DCST1: variants seen among roughly 807,000 people sequenced by gnomAD.
The protein encoded by DCST1 is DC-STAMP domain containing 1.
A neutral mutation model predicts 89.1 loss-of-function variants in DCST1; 78 were observed. The ratio of observed to expected loss-of-function variants is 0.88; its 90% confidence interval spans 0.73 to 1.06. DCST1 has a LOEUF of 1.06. Ranked by LOEUF, DCST1 falls within the 50% of genes least tolerant of loss-of-function variation. DCST1 has a pLI of 0.00. For synonymous variants in DCST1, 364 were observed against 371.9 expected (o/e 0.98, Z 0.24); for missense variants, 900 against 928.6 (o/e 0.97, Z 0.40).
intron 5 of DCST1, among the ~76,000 whole-genome samples, chr1:155,039,735 A>G: frequency 6.6e-6 from 1 of 150,798 alleles, no homozygotes. Flanking sequence ...ACGGTGGTTC[A>G]TGCCTGTAAT....
At chr1:155,046,561 C>A in intron 13 of DCST1, 75 bp downstream of exon 13, 6 of 1,500,016 alleles carry the variant, frequency 4.0e-6, no homozygotes, top group Non-Finnish European at 5.5e-6. Flanking sequence ...CACAGCCACC[C>A]CACCCTAGTT....
chr1:155,040,498 T>C lies in DCST1; in HGVS notation c.405T>C (p.Asn135=). 1 of 1,600,140 alleles carries C rather than the reference T, an allele frequency of 6.2e-7. No homozygotes were observed. Residue 135 remains asparagine (N), a synonymous_variant, in exon 6 of 17, where the codon AAT becomes AAC. Coordinates refer to ENST00000295542, the MANE Select transcript of DCST1 (RefSeq NM_152494.4). ...CTCTTTCTCCAGGGCCAGTAGCCAA[T>C]CTGCGACACAATCTCAACAACGTGA... ...LAAIYVGPVA[N]LRHNLNNVIA...
Position 155,047,234 on chromosome 1 carries a change from A to C in DCST1, c.1534A>C (p.Met512Leu), listed in dbSNP as rs11264300. 0.39 allele frequency: 631,092 copies of C among 1,613,694 alleles called. 134,365 individuals carry two copies. The highest frequency in any genetic ancestry group is 0.9 in the East Asian group (40,489 of 44,866). ...KLEVKVGGDS[M>L]LARLLRKTIG... ...GGAGGTGAAGGTCGGGGGAGACTCC[A>C]TGCTAGCCCGGCTTCTTCGAAAAAC... is the stretch of plus-strand genomic sequence containing the variant. Residue 512 changes from methionine to leucine, a missense_variant, in exon 14 of 17, where the codon ATG becomes CTG. By Grantham distance (15) the Met-to-Leu change is conservative (BLOSUM62 2). Transcript: ENST00000295542.
intron 13 of DCST1, 47 bp downstream of exon 13, chr1:155,046,533 G>A (rs1660636496): frequency 6.3e-7 from 1 of 1,595,268 alleles, no homozygotes; most frequent in South Asian, 1.1e-5. Flanking sequence ...GACACCCTCT[G>A]GAGAACTCCA....
In DCST1 at chr1:155,041,443, C is replaced by T. The variant is rs151089797; in HGVS notation, c.578C>T (p.Thr193Ile). The change falls in exon 7 of 17, where the codon ACT (threonine) becomes ATT (isoleucine). Residue 193 changes from threonine to isoleucine, a missense_variant. Transcript: ENST00000295542. ...LRAETRNISA[T>I]FEDLDAQVNS... is the part of the protein sequence containing the mutation. ...GCAGAGACTCGGAACATCTCCGCCA[C>T]TTTTGAGGACCTGGATGCCCAGGTG... The T allele has an allele frequency of 2.5e-6, 4 of 1,614,054 alleles. No homozygotes were observed. Among genetic ancestry groups the T allele is most frequent in the Non-Finnish European group, 2.5e-6 (3 of 1,180,022 alleles).
intron 10 of DCST1, chr1:155,045,558 G>A: frequency 5.8e-6 from 2 of 345,374 alleles, no homozygotes; most frequent in South Asian, 2.8e-5. Flanking sequence ...TATTCATCCT[G>A]TAAGATGCAT....
In DCST1 at chr1:155,050,779, C is replaced by A. The variant is rs764111973; in HGVS notation, c.2032C>A (p.Arg678=). The part of the protein sequence containing the change: ...VYCWSCWDDM[R]QRCPVCTPRE... Reference sequence around the variant, plus strand: ...CTGCTGGTCGTGCTGGGACGACATGCGGCAGCGGTGCCCGGTCTGCACGCC... The same window carrying A: ...CTGCTGGTCGTGCTGGGACGACATGAGGCAGCGGTGCCCGGTCTGCACGCC... Residue 678 remains arginine, a synonymous_variant, in exon 17 of 17, where the codon CGG becomes AGG. Coordinates refer to ENST00000295542, the MANE Select transcript of DCST1 (RefSeq NM_152494.4). 2 of 1,611,298 alleles carry A rather than the reference C, an allele frequency of 1.2e-6. No individual in the cohort carries two copies. The highest frequency in any genetic ancestry group is 1.7e-5 in the Admixed American group (1 of 59,804).
At chr1:155,043,549 C>T (rs1660505951) in intron 10 of DCST1, 40 bp downstream of exon 10, 1 of 1,537,338 alleles carries the variant, frequency 6.5e-7, no homozygotes, top group South Asian at 1.3e-5. Flanking sequence ...CTCCTCTGCC[C>T]CGGACTGGAG....
In DCST1 at chr1:155,034,732, G is replaced by A. The variant is rs376209113; in HGVS notation, c.262+5G>A. 6.2e-7 allele frequency: 1 copy of A among 1,614,164 alleles called. No individual in the cohort carries two copies. Among genetic ancestry groups the A allele is most frequent in the Non-Finnish European group, 8.5e-7 (1 of 1,180,050 alleles). ...TGTTCTTGTACAGCTTGGTGGGTTAGTGCTGGGCAAAAGCCAGGAACACTC... is the reference window on the plus strand; with the variant it reads ...TGTTCTTGTACAGCTTGGTGGGTTAATGCTGGGCAAAAGCCAGGAACACTC... On this transcript the variant is annotated splice_donor_5th_base_variant and intron_variant, in intron 4 of 16. Transcript: ENST00000295542.
intron 9 of DCST1, 24 bp downstream of exon 9, chr1:155,042,880 G>C: frequency 6.2e-7 from 1 of 1,613,528 alleles, no homozygotes; most frequent in African/African-American, 1.3e-5. Context: ...GCGAGGGTTG[G>C]TGGGGGGTAG....
chr1:155,050,753 A>C lies in DCST1; in HGVS notation c.2006A>C (p.Tyr669Ser), dbSNP rs1396738024. The C allele has an allele frequency of 6.2e-7, 1 of 1,611,398 alleles. No individual in the cohort carries two copies. The highest frequency in any genetic ancestry group is 8.5e-7 in the Non-Finnish European group (1 of 1,179,104). The part of the protein sequence containing the change: ...VCRTLDCEAV[Y>S]CWSCWDDMRQ... ...CGGACGCTGGACTGCGAGGCCGTGT[A>C]CTGCTGGTCGTGCTGGGACGACATG... Residue 669 changes from tyrosine to serine, a missense_variant, in exon 17 of 17, where the codon TAC (tyrosine) becomes TCC (serine). Physicochemically the swap from Tyr to Ser is moderately radical, Grantham distance 144. Transcript: ENST00000295542.
chr1:155,041,074 T>C (rs887335843), intron 6 of DCST1, among the ~76,000 whole-genome samples: 1 of 152,120 alleles, frequency 6.6e-6, no homozygotes, highest in Non-Finnish European at 1.5e-5. Context: ...TCTCAGAGAC[T>C]AGTGGTGAAG....
intron 6 of DCST1, 64 bp from the exon 7 acceptor site, chr1:155,041,333 C>G: frequency 6.4e-7 from 1 of 1,564,784 alleles, no homozygotes. Context: ...AGGACAGGCC[C>G]TCAGGCAGCA....
chr1:155,046,536 G>A, intron 13 of DCST1, 50 bp downstream of exon 13: 1 of 1,553,200 alleles, frequency 6.4e-7, no homozygotes, highest in South Asian at 1.1e-5. Context: ...ACCCTCTGGA[G>A]AACTCCAATG....
At chr1:155,037,652 G>T (rs966948664) in intron 4 of DCST1, among the ~76,000 whole-genome samples, 2 of 151,874 alleles carry the variant, frequency 1.3e-5, no homozygotes, top group African/African-American at 4.8e-5. Flanking sequence ...GGCCAGGCTG[G>T]TCTCAAACTC....
Position 155,043,498 on chromosome 1 carries a change from G to A in DCST1, c.1161G>A (p.Leu387=), listed in dbSNP as rs1352153074. ...LHVLLSCTFL[L]VLHASFSYMD... is the part of the protein sequence containing the mutation. Reference sequence around the variant, plus strand: ...TGCTGCTCTCCTGCACTTTCCTGCTGGTCCTGCATGCGTGAGCCATAGTCC... The same window carrying A: ...TGCTGCTCTCCTGCACTTTCCTGCTAGTCCTGCATGCGTGAGCCATAGTCC... Residue 387 remains leucine, a synonymous_variant, in exon 10 of 17, where the codon CTG becomes CTA. Coordinates refer to ENST00000295542, the MANE Select transcript of DCST1 (RefSeq NM_152494.4). 6.3e-7 allele frequency: 1 copy of A among 1,591,280 alleles called. No homozygotes were observed. Among genetic ancestry groups the A allele is most frequent in the African/African-American group, 1.3e-5 (1 of 74,704 alleles).
At chr1:155,036,590 C>T (rs1349664525) in intron 4 of DCST1, among the ~76,000 whole-genome samples, 6 of 152,246 alleles carry the variant, frequency 3.9e-5, no homozygotes, top group Non-Finnish European at 4.4e-5. Context: ...CTACTTCCTT[C>T]CCTTTCTGGT....
chr1:155,037,475 G>C (rs1450130542), intron 4 of DCST1, among the ~76,000 whole-genome samples: 1 of 124,626 alleles, frequency 8.0e-6, no homozygotes, highest in Non-Finnish European at 1.6e-5. Context: ...ACAGAGTCTT[G>C]CTCTGTCCCC....
At chr1:155,042,650 G>C in intron 8 of DCST1, 85 bp from the exon 9 acceptor site, 1 of 1,582,448 alleles carries the variant, frequency 6.3e-7, no homozygotes, top group Non-Finnish European at 8.6e-7. Context: ...GCAGGATGAG[G>C]AGGACTACAG....
Sources: allele counts gnomAD v4.1 joint callset (sites outside exome capture counted in the v4.1 genomes callset), GRCh38; gene constraint gnomAD v4.1.1; transcripts MANE v1.5; gene names NCBI Gene and HGNC (gene_info 2026-07-23, HGNC 2026-07-21).